Variants in GRID2 observed in about 807,000 individuals in gnomAD.
GRID2 encodes glutamate ionotropic receptor delta type subunit 2.
A neutral mutation model predicts 114.8 loss-of-function variants in GRID2; 33 were observed. The observed-to-expected ratio is 0.29, with a 90% CI of 0.22 to 0.38. The LOEUF is 0.38. Among genes scored for constraint, GRID2 ranks in the 10% least tolerant of loss-of-function variants. The pLI is 1.00. For synonymous variants in GRID2, 505 were observed against 449.9 expected (o/e 1.12, Z -1.55); for missense variants, 1,184 against 1,257.7 (o/e 0.94, Z 0.89).
At position 92,368,518 on chromosome 4, in the gene GRID2, CTTTTA is replaced by C. The variant is rs1205581451; in HGVS notation, c.88+63783_88+63787del. Among the ~76,000 whole-genome samples, 10 of 152,124 alleles carry C rather than the reference CTTTTA, an allele frequency of 6.6e-5. No homozygotes were observed. The South Asian group carries it at 1.0e-3, about 16-fold the overall frequency. ...AATGCACTGTGATGTGAATCATTCA[CTTTTA>C]TTTTATTTATTACTTGCTTACAGCT... On this transcript the variant is annotated intron_variant, in intron 1 of 15. Transcript: ENST00000282020.
intron 14 of GRID2, among the ~76,000 whole-genome samples, chr4:93,758,703 T>A (rs2110303619): frequency 6.6e-6 from 1 of 152,282 alleles, no homozygotes; most frequent in African/African-American, 2.4e-5. Flanking sequence ...CTCAAGGATA[T>A]GAAAATATAC....
At chr4:93,249,898 G>A (rs1042466401) in intron 8 of GRID2, among the ~76,000 whole-genome samples, 1 of 152,158 alleles carries the variant, frequency 6.6e-6, no homozygotes, top group African/African-American at 2.4e-5. Context: ...CTGTTGGTGG[G>A]AGTGTAAATT....
chr4:93,172,301 A>T (rs747691453), intron 4 of GRID2, among the ~76,000 whole-genome samples: 13 of 152,138 alleles, frequency 8.5e-5, no homozygotes, highest in Admixed American at 2.0e-4. Context: ...TGATGAAAAT[A>T]ATGAGAATTG....
At chr4:92,423,949 T>G (rs1732027863) in intron 1 of GRID2, among the ~76,000 whole-genome samples, 1 of 152,112 alleles carries the variant, frequency 6.6e-6, no homozygotes. Context: ...AAAGGAAGAA[T>G]TGCTCTGAAA....
intron 2 of GRID2, among the ~76,000 whole-genome samples, chr4:92,663,038 C>T (rs10012693): frequency 6.6e-6 from 1 of 150,538 alleles, no homozygotes; most frequent in Non-Finnish European, 1.5e-5. Flanking sequence ...GTCAAACACA[C>T]TGAGATTGAT....
At chr4:93,740,766 G>C (rs1487143109) in intron 14 of GRID2, among the ~76,000 whole-genome samples, 2 of 151,934 alleles carry the variant, frequency 1.3e-5, no homozygotes, top group Non-Finnish European at 2.9e-5. Flanking sequence ...ATTTCTAATA[G>C]GATAGTACAA....
chr4:92,506,051 T>G (rs1190408644), intron 1 of GRID2, among the ~76,000 whole-genome samples: 2 of 152,020 alleles, frequency 1.3e-5, no homozygotes, highest in Non-Finnish European at 2.9e-5. Flanking sequence ...AAAATGTATA[T>G]ATTGAATTCA....
chr4:93,448,886 T>TCCCTTCCCTTC (rs1560629957), intron 10 of GRID2, among the ~76,000 whole-genome samples: 1 of 10,278 alleles, frequency 9.7e-5, no homozygotes, highest in Non-Finnish European at 1.5e-4. Context: ...CCCTTCCCCT[T>TCCCTTCCCTTC]CCCTTCCCTT....
intron 2 of GRID2, among the ~76,000 whole-genome samples, chr4:92,639,623 A>G (rs967433214): frequency 1.3e-5 from 2 of 151,706 alleles, no homozygotes; most frequent in South Asian, 4.1e-4. Flanking sequence ...CAACTATCAC[A>G]TTAAGATGTT....
At chr4:92,320,246 A>G (rs376419364) in intron 1 of GRID2, among the ~76,000 whole-genome samples, 2 of 152,106 alleles carry the variant, frequency 1.3e-5, no homozygotes, top group East Asian at 3.9e-4. Context: ...GGTCAATTCT[A>G]TTTTGACCTA....
chr4:92,628,433 A>G (rs1338486517), intron 2 of GRID2, among the ~76,000 whole-genome samples: 1 of 152,096 alleles, frequency 6.6e-6, no homozygotes, highest in African/African-American at 2.4e-5. Flanking sequence ...ATCTCGGCTC[A>G]CTACAACCTC....
rs376175279 is a variant in GRID2, at chr4:93,515,372, G to A, written c.2154G>A (p.Ser718=). 55 of 1,612,778 alleles carry A rather than the reference G, an allele frequency of 3.4e-5. No homozygotes were observed. The highest frequency in any genetic ancestry group is 8.0e-5 in the African/African-American group (6 of 74,870). ...GGATGATCAACCGAAGCAATGGATC[G>A]GAGAACAATGTTCTGGAGTCCCAGG... ...MWRMINRSNG[S]ENNVLESQAG... The change falls in exon 13 of 16, where the codon TCG becomes TCA. Residue 718 remains serine (S), a synonymous_variant. Coordinates refer to ENST00000282020, the MANE Select transcript of GRID2 (RefSeq NM_001510.4).
At chr4:92,659,841 A>G (rs1440595514) in intron 2 of GRID2, among the ~76,000 whole-genome samples, 1 of 151,278 alleles carries the variant, frequency 6.6e-6, no homozygotes, top group Non-Finnish European at 1.5e-5. Flanking sequence ...TTACATTTCC[A>G]TTTTTGTAAG....
chr4:93,549,050 C>T (rs1204564870), intron 13 of GRID2, among the ~76,000 whole-genome samples: 1 of 152,066 alleles, frequency 6.6e-6, no homozygotes, highest in Non-Finnish European at 1.5e-5. Context: ...TTTAAAATAT[C>T]TCTTTATCAA....
intron 1 of GRID2, among the ~76,000 whole-genome samples, chr4:92,356,399 G>GA (rs773755527): frequency 6.6e-6 from 1 of 151,180 alleles, no homozygotes; most frequent in East Asian, 1.9e-4. Flanking sequence ...AGAGGTTTAG[G>GA]AAAACGTTCT....
intron 1 of GRID2, among the ~76,000 whole-genome samples, chr4:92,415,740 GTATATATATATATATATATATATATA>G (rs70940888): frequency 1.2e-4 from 10 of 82,220 alleles, no homozygotes; most frequent in South Asian, 8.7e-4. Flanking sequence ...GTGTATGTGT[GTATATATATATATATATATATATATA>G]TATATATATA....
chr4:93,809,079 A>G (rs1735085597), exon 2 of GRID2: 2 of 152,248 alleles, frequency 1.3e-5, no homozygotes, highest in South Asian at 4.2e-4. Context: ...TGTCTAACAG[A>G]CCTATGATAA....
At chr4:92,918,461 C>T (rs1749011610) in intron 2 of GRID2, among the ~76,000 whole-genome samples, 1 of 152,086 alleles carries the variant, frequency 6.6e-6, no homozygotes, top group Non-Finnish European at 1.5e-5. Context: ...CAGTTTTTGC[C>T]CACTCAGTAT....
At chr4:92,773,293 T>A (rs62310240) in intron 2 of GRID2, among the ~76,000 whole-genome samples, 12,110 of 152,238 alleles carry the variant, frequency 0.08, 546 homozygotes, top group East Asian at 0.12. Flanking sequence ...GTTTTGAAGC[T>A]TTACATTCAT....
Sources: gnomAD v4.1 joint callset for allele counts (sites outside exome capture counted in the v4.1 genomes callset) on GRCh38, gnomAD v4.1.1 for gene constraint, MANE v1.5 for transcripts, NCBI Gene and HGNC (gene_info 2026-07-23, HGNC 2026-07-21) for gene names.